The following KCNQ3 variants were observed in gnomAD, a reference collection of about 807,000 sequenced individuals.
KCNQ3 encodes potassium voltage-gated channel subfamily Q member 3.
In KCNQ3, 30 loss-of-function variants were observed where a neutral mutation model predicts 92.5. The ratio of observed to expected loss-of-function variants is 0.32; its 90% CI spans 0.24 to 0.44. The LOEUF (loss-of-function observed/expected upper bound fraction) is 0.44. Among genes scored for constraint, KCNQ3 ranks in the 20% least tolerant of loss-of-function variants. The pLI, the probability that KCNQ3 is intolerant of heterozygous loss-of-function variation, is 1.00. For synonymous variants in KCNQ3, 450 were observed against 468.8 expected (o/e 0.96, Z 0.52); for missense variants, 913 against 1,140.3 (o/e 0.80, Z 2.87).
At chr8:132,408,130 T>C (rs1200305145) in intron 1 of KCNQ3, among the ~76,000 whole-genome samples, 1 of 152,038 alleles carries the variant, frequency 6.6e-6, no homozygotes, top group East Asian at 1.9e-4. Flanking sequence ...AAAAGTATTG[T>C]GCAGAATATA....
chr8:132,309,490 T>C (rs535102517), intron 1 of KCNQ3, among the ~76,000 whole-genome samples: 10 of 152,284 alleles, frequency 6.6e-5, no homozygotes, highest in East Asian at 5.8e-4. Context: ...GGAAGATATA[T>C]GTGAGCTAAT....
intron 1 of KCNQ3, among the ~76,000 whole-genome samples, chr8:132,450,355 C>T (rs1367276581): frequency 3.3e-5 from 5 of 152,294 alleles, no homozygotes; most frequent in Admixed American, 3.3e-4. Context: ...TTTTACAAAC[C>T]TCTAGCTAGC....
chr8:132,347,788 T>C (rs1162730669), intron 1 of KCNQ3, among the ~76,000 whole-genome samples: 1 of 151,790 alleles, frequency 6.6e-6, no homozygotes, highest in Non-Finnish European at 1.5e-5. Flanking sequence ...CCATCCTGGC[T>C]AACACAGTGA....
At chr8:132,199,496 T>C (rs1021056424) in intron 1 of KCNQ3, among the ~76,000 whole-genome samples, 6 of 152,240 alleles carry the variant, frequency 3.9e-5, no homozygotes, top group Non-Finnish European at 2.9e-5. Flanking sequence ...GTATTGGTTC[T>C]TGTTTTCAAT....
intron 1 of KCNQ3, among the ~76,000 whole-genome samples, chr8:132,421,922 T>A (rs1432164069): frequency 6.6e-6 from 1 of 152,176 alleles, no homozygotes; most frequent in Non-Finnish European, 1.5e-5. Context: ...CTAGTTCCAA[T>A]GTTACAGGCT....
chr8:132,392,788 C>G (rs1422352642), intron 1 of KCNQ3, among the ~76,000 whole-genome samples: 1 of 35,980 alleles, frequency 2.8e-5, no homozygotes, highest in Non-Finnish European at 5.8e-5. Flanking sequence ...CAGAACCTGT[C>G]TCAAAAAAAA....
chr8:132,399,837 C>T (rs1383318709), intron 1 of KCNQ3, among the ~76,000 whole-genome samples: 2 of 152,142 alleles, frequency 1.3e-5, no homozygotes, highest in South Asian at 2.1e-4. Context: ...TTCTGTAAAA[C>T]GGAAACACTA....
intron 1 of KCNQ3, among the ~76,000 whole-genome samples, chr8:132,265,938 C>T (rs1815966033): frequency 6.6e-6 from 1 of 152,210 alleles, no homozygotes; most frequent in African/African-American, 2.4e-5. Flanking sequence ...CGCTTTCCTA[C>T]AGTCCCCTGG....
chr8:132,386,647 A>T (rs977242697), intron 1 of KCNQ3, among the ~76,000 whole-genome samples: 19 of 152,146 alleles, frequency 1.2e-4, no homozygotes, highest in Non-Finnish European at 2.9e-5. Context: ...AAAGAGGTTT[A>T]TTTCTATGCT....
intron 1 of KCNQ3, among the ~76,000 whole-genome samples, chr8:132,258,674 T>C (rs999660888): frequency 4.6e-5 from 7 of 151,490 alleles, no homozygotes; most frequent in Non-Finnish European, 1.0e-4. Flanking sequence ...ATAAATGAAA[T>C]AGAGAACAGA....
intron 1 of KCNQ3, among the ~76,000 whole-genome samples, chr8:132,205,475 G>A (rs78378685): frequency 0.012 from 1,778 of 152,314 alleles, 18 homozygotes; most frequent in South Asian, 0.04. Context: ...AACACTTACA[G>A]AGCACCTACT....
At chr8:132,397,063 T>C (rs1000017239) in intron 1 of KCNQ3, among the ~76,000 whole-genome samples, 3 of 152,070 alleles carry the variant, frequency 2.0e-5, no homozygotes, top group Non-Finnish European at 4.4e-5. Context: ...TGTTTTATTA[T>C]TATTACTGCA....
intron 9 of KCNQ3, among the ~76,000 whole-genome samples, chr8:132,152,192 T>G (rs1256345136): frequency 6.6e-6 from 1 of 152,080 alleles, no homozygotes; most frequent in Non-Finnish European, 1.5e-5. Flanking sequence ...AAGGAAAAAA[T>G]GTACAGGACT....
chr8:132,165,441 G>A (rs755151374), intron 8 of KCNQ3, among the ~76,000 whole-genome samples: 8 of 152,202 alleles, frequency 5.3e-5, no homozygotes, highest in Admixed American at 3.3e-4. Flanking sequence ...GAGTGTTCTA[G>A]ATCATGGTTG....
chr8:132,282,654 G>C (rs1254327572), intron 1 of KCNQ3, among the ~76,000 whole-genome samples: 1 of 152,132 alleles, frequency 6.6e-6, no homozygotes, highest in Non-Finnish European at 1.5e-5. Context: ...CTTGGCATAG[G>C]GCTGCCTTCT....
At chr8:132,302,929 A>G (rs1450734574) in intron 1 of KCNQ3, among the ~76,000 whole-genome samples, 1 of 152,180 alleles carries the variant, frequency 6.6e-6, no homozygotes, top group African/African-American at 2.4e-5. Flanking sequence ...ATTGAATTGT[A>G]TCACAATCTT....
At position 132,361,010 on chromosome 8, in the gene KCNQ3, AC is replaced by A. The variant is rs1819151364; in HGVS notation, c.386+119136del. ...CATTATGGCCTCAGTCCAGAATGCC[AC>A]TTTTTGAGTGCTCTTATCTCTCTGG... On this transcript the variant is annotated intron_variant, in intron 1 of 14. Coordinates refer to ENST00000388996, the MANE Select transcript of KCNQ3 (RefSeq NM_004519.4). Among the ~76,000 whole-genome samples the A allele has an allele frequency of 2.6e-5, 4 of 152,098 alleles. No individual in the cohort carries two copies. In the South Asian group the frequency reaches 8.3e-4, roughly 32 times the overall value.
chr8:132,384,296 C>T (rs1819836757), intron 1 of KCNQ3, among the ~76,000 whole-genome samples: 1 of 152,216 alleles, frequency 6.6e-6, no homozygotes, highest in Middle Eastern at 3.2e-3. Flanking sequence ...TGAGCACCAA[C>T]ATATTTCAAA....
chr8:132,458,733 G>T (rs1821998981), intron 1 of KCNQ3, among the ~76,000 whole-genome samples: 1 of 152,210 alleles, frequency 6.6e-6, no homozygotes, highest in Non-Finnish European at 1.5e-5. Context: ...GGGATTATAG[G>T]CATGAGCCAC....
Sources: gnomAD v4.1 joint callset for allele counts (sites outside exome capture counted in the v4.1 genomes callset) on GRCh38, gnomAD v4.1.1 for gene constraint, MANE v1.5 for transcripts, NCBI Gene and HGNC (gene_info 2026-07-23, HGNC 2026-07-21) for gene names.